Variants in MEF2A observed in about 807,000 individuals in gnomAD.
MEF2A encodes the protein myocyte-specific enhancer factor 2A.
In MEF2A, 28 loss-of-function variants were observed where a neutral mutation model predicts 55.8. The ratio of observed to expected loss-of-function variants is 0.50; its 90% confidence interval spans 0.37 to 0.69. The LOEUF (loss-of-function observed/expected upper bound fraction) is 0.69, where lower values mean the gene tolerates loss of function less well. Among genes scored for constraint, MEF2A ranks in the 30% least tolerant of loss-of-function variants. MEF2A has a pLI of 0.00. For missense variants in MEF2A, 528 were observed against 626.2 expected (o/e 0.84, Z 1.67); for synonymous variants, 239 against 227.1 (o/e 1.05, Z -0.47).
At chr15:99,694,820 A>T (rs957983496) in intron 8 of MEF2A, among the ~76,000 whole-genome samples, 3 of 152,144 alleles carry the variant, frequency 2.0e-5, no homozygotes, top group African/African-American at 7.2e-5. Context: ...TCTCTCATTT[A>T]TTCAACCATT....
At chr15:99,695,541 T>TGTGTGTGTGTGTGTG (rs1555498137) in intron 8 of MEF2A, among the ~76,000 whole-genome samples, 5 of 144,778 alleles carry the variant, frequency 3.5e-5, no homozygotes, top group Admixed American at 2.1e-4. Context: ...ATTGTCAGAT[T>TGTGTGTGTGTGTGTG]TGTGTGTGTG....
rs371094810 is a variant in MEF2A at position 99,700,185 on chromosome 15, T to TACACACACACACACACAC, written c.859-3176_859-3175insCACACACACACACACACA. ...ACACATACGTATATATGTGTGTATA[T>TACACACACACACACACAC]ATACACACACACACACACACACACA... is the stretch of plus-strand genomic sequence containing the variant. On this transcript the variant is annotated intron_variant, in intron 8 of 11. Coordinates refer to ENST00000557942, the MANE Select transcript of MEF2A (RefSeq NM_001319206.4). Among the ~76,000 whole-genome samples, 53 of 100,450 alleles carry TACACACACACACACACAC rather than the reference T, an allele frequency of 5.3e-4. 1 individual carries two copies. The highest frequency in any genetic ancestry group is 1.3e-3 in the African/African-American group (39 of 29,030). The allele number at this position is 100,450 out of a possible 152,430, so 65.9% of individuals were successfully genotyped here. A position where few individuals can be genotyped will look rare whatever the true frequency, so the allele number is the denominator to read the frequency against.
At chr15:99,577,686 T>TTC (rs1415362576) in intron 1 of MEF2A, among the ~76,000 whole-genome samples, 1 of 152,100 alleles carries the variant, frequency 6.6e-6, no homozygotes, top group African/African-American at 2.4e-5. Flanking sequence ...TGTTTATCTG[T>TTC]TCTAAGTTCT....
At chr15:99,674,970 T>A (rs2051651732) in intron 6 of MEF2A, among the ~76,000 whole-genome samples, 1 of 152,072 alleles carries the variant, frequency 6.6e-6, no homozygotes. Flanking sequence ...GGAGTTAGAG[T>A]ATCTTTTACA....
chr15:99,638,688 AT>A (rs2044334704), intron 3 of MEF2A, among the ~76,000 whole-genome samples: 1 of 151,870 alleles, frequency 6.6e-6, no homozygotes, highest in African/African-American at 2.4e-5. Flanking sequence ...CATTTTCTCC[AT>A]TTTTAAGCTT....
intron 3 of MEF2A, among the ~76,000 whole-genome samples, chr15:99,638,433 G>A (rs2044282654): frequency 6.6e-6 from 1 of 151,968 alleles, no homozygotes; most frequent in Non-Finnish European, 1.5e-5. Flanking sequence ...ACATATAACG[G>A]TTTTGTATCC....
At chr15:99,602,706 GGGGAGC>G (rs1567203805) in intron 2 of MEF2A, among the ~76,000 whole-genome samples, 6 of 84,478 alleles carry the variant, frequency 7.1e-5, no homozygotes, top group East Asian at 8.2e-4. Flanking sequence ...GTGTAGGGGT[GGGGAGC>G]TTTTTGTGTG....
rs758575457 is a variant in MEF2A at position 99,716,359 on chromosome 15, T to G, written c.*3588T>G. The G allele has an allele frequency of 2.8e-6, 1 of 356,846 alleles. No individual in the cohort carries two copies. 22.1% of individuals were successfully genotyped at this position (356,846 alleles called of 1,614,324 possible). A position where few individuals can be genotyped will look rare whatever the true frequency, so the allele number is the denominator to read the frequency against. On this transcript the variant is annotated 3_prime_UTR_variant, in exon 12 of 12. Coordinates refer to ENST00000557942, the MANE Select transcript of MEF2A (RefSeq NM_001319206.4). ...AATCTCAATTTTTCCCTGAATGTGT[T>G]GTTTTTCTTCATTATACAATAAATA...
intron 3 of MEF2A, among the ~76,000 whole-genome samples, chr15:99,637,635 G>T (rs1241935529): frequency 2.0e-5 from 3 of 151,486 alleles, no homozygotes; most frequent in East Asian, 3.9e-4. Context: ...ACTTGTTATT[G>T]TCTGTCTTTT....
At chr15:99,699,289 G>T (rs944174447) in intron 8 of MEF2A, among the ~76,000 whole-genome samples, 5 of 152,182 alleles carry the variant, frequency 3.3e-5, no homozygotes, top group Admixed American at 6.5e-5. Flanking sequence ...CAATACAGAT[G>T]AATCCTAAGT....
intron 2 of MEF2A, among the ~76,000 whole-genome samples, chr15:99,630,857 C>T (rs1196723236): frequency 6.6e-6 from 1 of 152,178 alleles, no homozygotes; most frequent in Non-Finnish European, 1.5e-5. Context: ...GCCAGGGCTG[C>T]TCCTCCTTGG....
At chr15:99,588,508 G>A (rs1307117278) in intron 1 of MEF2A, among the ~76,000 whole-genome samples, 2 of 152,104 alleles carry the variant, frequency 1.3e-5, no homozygotes, top group African/African-American at 4.8e-5. Flanking sequence ...GTTTCACCCT[G>A]TTGCCCAGGC....
chr15:99,578,023 C>G (rs2152814950), intron 1 of MEF2A, among the ~76,000 whole-genome samples: 1 of 152,284 alleles, frequency 6.6e-6, no homozygotes, highest in Middle Eastern at 3.4e-3. Context: ...ATCTGCTGAT[C>G]TCTCCTCTGT....
intron 4 of MEF2A, among the ~76,000 whole-genome samples, chr15:99,665,731 C>CAAAAAAAAAAAAAAAAAAAAAAA (rs752473261): frequency 2.5e-4 from 5 of 20,246 alleles, no homozygotes; most frequent in Non-Finnish European, 4.0e-4. Context: ...CTTAAATTTA[C>CAAAAAAAAAAAAAAAAAAAAAAA]AAAAAAAAAA....
chr15:99,664,651 G>A (rs1333678889), intron 4 of MEF2A, among the ~76,000 whole-genome samples: 1 of 152,070 alleles, frequency 6.6e-6, no homozygotes, highest in African/African-American at 2.4e-5. Flanking sequence ...TATAAAATTT[G>A]GTATTCCATG....
chr15:99,710,771 A>G lies in MEF2A; in HGVS notation c.1136+11A>G, dbSNP rs1291864026. 1.6e-5 allele frequency: 26 copies of G among 1,591,572 alleles called. No individual in the cohort carries two copies. The Admixed American group carries it at 2.7e-4, about 16-fold the overall frequency. On this transcript the variant is annotated intron_variant, in intron 11 of 11. Coordinates refer to ENST00000557942, the MANE Select transcript of MEF2A (RefSeq NM_001319206.4). ...CCTCAGCTCTCTTGTGTGAGTAACT[A>G]GAAGTTTTCCCTGCATCTTTACTCC...
chr15:99,652,606 A>G (rs1337122188), intron 4 of MEF2A, among the ~76,000 whole-genome samples: 2 of 152,164 alleles, frequency 1.3e-5, no homozygotes, highest in Non-Finnish European at 2.9e-5. Flanking sequence ...TACTGTGAAG[A>G]GTGGAATAGC....
Position 99,712,826 on chromosome 15 carries a change from A to T in MEF2A, c.*55A>T. 2 of 1,507,856 alleles carry T rather than the reference A, an allele frequency of 1.3e-6. No individual in the cohort carries two copies. The highest frequency in any genetic ancestry group is 1.8e-6 in the Non-Finnish European group (2 of 1,119,296). The allele number at this position is 1,507,856 out of a possible 1,614,324, so 93.4% of individuals were successfully genotyped here. ...GTTACTGCAGTGACCTGCCCTACAT[A>T]TCTAAATCGGTAAATAAGGACATGA... On this transcript the variant is annotated 3_prime_UTR_variant, in exon 12 of 12. Transcript: ENST00000557942. This position sits in a 1 kb window ranked among gnomAD's most constrained non-coding sequence, Gnocchi z 4.1.
At chr15:99,577,058 G>C (rs1345114128) in intron 1 of MEF2A, among the ~76,000 whole-genome samples, 4 of 152,096 alleles carry the variant, frequency 2.6e-5, no homozygotes, top group Non-Finnish European at 5.9e-5. Context: ...ATACTGTTTC[G>C]TTCATTAGCA....
Sources: gnomAD v4.1 joint callset for allele counts (sites outside exome capture counted in the v4.1 genomes callset) on GRCh38, gnomAD v4.1.1 for gene constraint, Gnocchi (gnomAD v3.1) non-coding constraint, MANE v1.5 for transcripts, NCBI Gene and HGNC (gene_info 2026-07-23, HGNC 2026-07-21) for gene names.